The following FAM81B variants were observed in gnomAD, a reference collection of about 807,000 sequenced individuals.
The protein encoded by FAM81B is family with sequence similarity 81 member B, also known as protein FAM81B.
Under a neutral mutation model 58.7 loss-of-function variants are expected in FAM81B, and 60 were observed. The observed-to-expected ratio is 1.02, with a 90% CI of 0.83 to 1.27. The LOEUF is 1.27. Ranked by LOEUF, FAM81B falls within the 50% of genes most tolerant of loss-of-function variation. The pLI, the probability that FAM81B is intolerant of heterozygous loss-of-function variation, is 0.00. For missense variants in FAM81B, 491 were observed against 522.0 expected, an observed-to-expected ratio of 0.94 and a Z score of 0.58; for synonymous variants, 189 against 179.6, an observed-to-expected ratio of 1.05 and a Z score of -0.42.
intron 7 of FAM81B, chr5:95,440,354 T>C (rs1745284851): frequency 1.2e-6 from 1 of 810,756 alleles, no homozygotes; most frequent in Non-Finnish European, 2.1e-6. Flanking sequence ...ATAATCCTGA[T>C]GTTAAGGCTG....
intron 5 of FAM81B, 142 bp downstream of exon 5, chr5:95,420,544 A>T: frequency 8.1e-7 from 1 of 1,227,396 alleles, no homozygotes; most frequent in Non-Finnish European, 1.1e-6. Context: ...GAGAAAGTGT[A>T]CCATAGAACT....
intron 5 of FAM81B, among the ~76,000 whole-genome samples, chr5:95,421,379 C>A (rs1036415226): frequency 6.6e-5 from 10 of 152,182 alleles, no homozygotes; most frequent in Non-Finnish European, 1.3e-4. Flanking sequence ...GTGAGAAAGA[C>A]AATTTACCTG....
chr5:95,440,226 G>A (rs1218707991), intron 7 of FAM81B: 1 of 674,126 alleles, frequency 1.5e-6, no homozygotes, highest in East Asian at 3.4e-5. Flanking sequence ...TCTCGGTCTA[G>A]CTGTGAGGCT....
chr5:95,440,697 T>C, intron 7 of FAM81B: 1 of 775,764 alleles, frequency 1.3e-6, no homozygotes. Flanking sequence ...ATGAACACTT[T>C]AGGACTTCAG....
chr5:95,406,487 A>C (rs969904533), intron 3 of FAM81B, among the ~76,000 whole-genome samples: 9 of 152,152 alleles, frequency 5.9e-5, no homozygotes, highest in African/African-American at 2.2e-4. Flanking sequence ...TTATACCCAC[A>C]CACTGTCCAA....
chr5:95,400,139 C>T (rs1168149795), intron 3 of FAM81B, among the ~76,000 whole-genome samples: 2 of 152,166 alleles, frequency 1.3e-5, no homozygotes, highest in East Asian at 1.9e-4. Flanking sequence ...GGGCTAGGAG[C>T]TCCCTACCAC....
intron 6 of FAM81B, among the ~76,000 whole-genome samples, chr5:95,436,135 T>C (rs1328566504): frequency 6.6e-6 from 1 of 152,238 alleles, no homozygotes; most frequent in Non-Finnish European, 1.5e-5. Flanking sequence ...TATTTTTTAA[T>C]CCAGTTCTTT....
At chr5:95,393,204 T>C (rs1275648113) in intron 2 of FAM81B, among the ~76,000 whole-genome samples, 1 of 152,238 alleles carries the variant, frequency 6.6e-6, no homozygotes, top group East Asian at 1.9e-4. Context: ...TTTATCTTTA[T>C]CTCTAACATG....
rs1011480637 is a variant in FAM81B, at chr5:95,450,081, T to C, written c.1226-68T>C. ...AATCAATTATGGCAGGACTGCCGAT[T>C]AGCAACTTTTTTAAAAAAAAGCTCT... On this transcript the variant is annotated intron_variant, in intron 9 of 9. Coordinates refer to ENST00000283357, the MANE Select transcript of FAM81B (RefSeq NM_152548.3). 16 of 1,519,990 alleles carry C rather than the reference T, an allele frequency of 1.1e-5. No individual in the cohort carries two copies. In the African/African-American group the frequency reaches 1.4e-4, roughly 13 times the overall value. 94.2% of individuals were successfully genotyped at this position (1,519,990 alleles called of 1,614,324 possible).
intron 9 of FAM81B, among the ~76,000 whole-genome samples, chr5:95,449,714 G>A (rs891587211): frequency 6.6e-6 from 1 of 152,178 alleles, no homozygotes; most frequent in African/African-American, 2.4e-5. Context: ...GAGGAGGGCA[G>A]CAGGGGGCCG....
chr5:95,396,339 C>G (rs1267668166), intron 3 of FAM81B, among the ~76,000 whole-genome samples, 164 bp downstream of exon 3: 1 of 152,182 alleles, frequency 6.6e-6, no homozygotes, highest in Non-Finnish European at 1.5e-5. Flanking sequence ...TAAATCATGT[C>G]AGAAAGACAA....
intron 6 of FAM81B, among the ~76,000 whole-genome samples, 184 bp from the exon 7 acceptor site, chr5:95,436,616 A>G (rs1745111491): frequency 6.6e-6 from 1 of 152,246 alleles, no homozygotes; most frequent in Non-Finnish European, 1.5e-5. Context: ...GTGTAACTGT[A>G]ATACTCATTT....
Position 95,450,358 on chromosome 5 carries a change from A to C in FAM81B, c.*76A>C, listed in dbSNP as rs185301357. On this transcript the variant is annotated 3_prime_UTR_variant, in exon 10 of 10. Coordinates refer to ENST00000283357, the MANE Select transcript of FAM81B (RefSeq NM_152548.3). ...AAAAGTTCTGAAGAAGAAAGTTACTATCTCTGGGATGTTTACTGCTTCTAA... is the reference window on the plus strand; with the variant it reads ...AAAAGTTCTGAAGAAGAAAGTTACTCTCTCTGGGATGTTTACTGCTTCTAA... 1.2e-5 allele frequency: 19 copies of C among 1,580,834 alleles called. No homozygotes were observed. The Admixed American group carries it at 2.7e-4, about 22-fold the overall frequency.
chr5:95,404,139 T>C (rs1299718697), intron 3 of FAM81B, among the ~76,000 whole-genome samples: 1 of 152,194 alleles, frequency 6.6e-6, no homozygotes, highest in East Asian at 1.9e-4. Context: ...AAAGCAGCAC[T>C]GGCTCAAAGA....
At chr5:95,415,292 A>G (rs560382768) in intron 4 of FAM81B, among the ~76,000 whole-genome samples, 1 of 152,330 alleles carries the variant, frequency 6.6e-6, no homozygotes, top group Non-Finnish European at 1.5e-5. Context: ...CAGTCTCACG[A>G]TACTTGTCCT....
At chr5:95,423,856 T>C (rs1219059701) in intron 5 of FAM81B, among the ~76,000 whole-genome samples, 1 of 152,168 alleles carries the variant, frequency 6.6e-6, no homozygotes, top group Non-Finnish European at 1.5e-5. Flanking sequence ...TTAAACATAA[T>C]GATTTTCCAC....
Position 95,414,044 on chromosome 5 carries a change from C to A in FAM81B, c.391C>A (p.Gln131Lys), listed in dbSNP as rs764449772. 2 of 1,613,974 alleles carry A rather than the reference C, an allele frequency of 1.2e-6. No individual in the cohort carries two copies. Among genetic ancestry groups the A allele is most frequent in the African/African-American group, 2.7e-5 (2 of 74,890 alleles). The change falls in exon 4 of 10, where the codon CAA becomes AAA. Residue 131 changes from glutamine to lysine, a missense_variant. By Grantham distance (53) the Gln-to-Lys change is moderately conservative. Transcript: ENST00000283357. The part of the protein sequence containing the change: ...QARTIAFLLE[Q>K]AFRIKEDISA... ...GCGTACCATAGCTTTCCTTCTTGAA[C>A]AAGCCTTCCGCATCAAGGAGGACAT...
chr5:95,429,048 A>G (rs563151261), intron 6 of FAM81B, among the ~76,000 whole-genome samples: 24 of 152,334 alleles, frequency 1.6e-4, no homozygotes, highest in Admixed American at 1.4e-3. Flanking sequence ...ACCAAGGAAT[A>G]TAAACAAAAG....
intron 4 of FAM81B, among the ~76,000 whole-genome samples, chr5:95,414,835 A>G (rs1762496952): frequency 6.6e-6 from 1 of 152,134 alleles, no homozygotes. Flanking sequence ...CATGGTTTCA[A>G]TCTCCCTTAA....
Sources: gnomAD v4.1 joint callset for allele counts (sites outside exome capture counted in the v4.1 genomes callset) on GRCh38, gnomAD v4.1.1 for gene constraint, MANE v1.5 for transcripts, NCBI Gene and HGNC (gene_info 2026-07-23, HGNC 2026-07-21) for gene names.